DSCAML1: variants seen among roughly 807,000 people sequenced by gnomAD.
DSCAML1 encodes DS cell adhesion molecule like 1.
In DSCAML1, 38 loss-of-function variants were observed where a neutral mutation model predicts 200.5. The observed-to-expected ratio is 0.19, with a 90% CI of 0.15 to 0.25. The LOEUF (loss-of-function observed/expected upper bound fraction) is 0.25, where lower values mean the gene tolerates loss of function less well. DSCAML1 is among the 10% of genes least tolerant of loss of function. The pLI, the probability that DSCAML1 is intolerant of heterozygous loss-of-function variation, is 1.00. For synonymous variants in DSCAML1, 1,215 were observed against 1,165.0 expected, an observed-to-expected ratio of 1.04 and a Z score of -0.87; for missense variants, 2,223 against 2,858.8, an observed-to-expected ratio of 0.78 and a Z score of 5.07.
At chr11:117,751,938 G>A (rs1287432706) in intron 3 of DSCAML1, among the ~76,000 whole-genome samples, 2 of 152,298 alleles carry the variant, frequency 1.3e-5, no homozygotes, top group East Asian at 1.9e-4. Context: ...GATTCTCATA[G>A]GCGCTAATTA....
chr11:117,601,130 C>T (rs1290955270), intron 3 of DSCAML1, among the ~76,000 whole-genome samples: 3 of 152,070 alleles, frequency 2.0e-5, no homozygotes, highest in African/African-American at 7.2e-5. Context: ...CTGTTCCCAG[C>T]CCCCACCCGC....
At chr11:117,711,650 A>G (rs1394720504) in intron 3 of DSCAML1, among the ~76,000 whole-genome samples, 2 of 152,192 alleles carry the variant, frequency 1.3e-5, no homozygotes, top group East Asian at 3.8e-4. Flanking sequence ...AAATATCTGC[A>G]ATTCCAGGCT....
chr11:117,796,394 C>T (rs998573076), intron 1 of DSCAML1, among the ~76,000 whole-genome samples: 4 of 152,174 alleles, frequency 2.6e-5, no homozygotes, highest in Non-Finnish European at 5.9e-5. Flanking sequence ...AAAGCCGGGG[C>T]AGAGGGGTGG....
chr11:117,781,733 G>A (rs762578474), intron 1 of DSCAML1, among the ~76,000 whole-genome samples: 2 of 152,230 alleles, frequency 1.3e-5, no homozygotes, highest in Admixed American at 1.3e-4. Context: ...AAAATGGAGG[G>A]AGAGGATGGG....
chr11:117,480,598 A>G lies in DSCAML1; in HGVS notation c.2657-27T>C, dbSNP rs2048894796. On this transcript the variant is annotated intron_variant, in intron 13 of 32. Transcript: ENST00000651296. The surrounding 1 kb of genome is among the most constrained non-coding windows in gnomAD (Gnocchi z 4.1). The stretch of plus-strand genomic sequence containing the variant: ...TAGGGTGCGGCAGTGGAGGGGAGGG[A>G]AGTGAGGAGGGCAGCAGGGAGCTTG... The G allele has an allele frequency of 1.3e-6, 2 of 1,550,076 alleles. No individual in the cohort carries two copies. The highest frequency in any genetic ancestry group is 2.4e-5 in the South Asian group (2 of 84,056).
At chr11:117,456,469 G>A (rs559606501) in intron 19 of DSCAML1, among the ~76,000 whole-genome samples, 8 of 152,276 alleles carry the variant, frequency 5.3e-5, no homozygotes, top group Middle Eastern at 3.4e-3. Flanking sequence ...TTAGTTGAGC[G>A]GCATTTGGAA....
intron 3 of DSCAML1, among the ~76,000 whole-genome samples, chr11:117,629,096 G>A (rs981100651): frequency 6.6e-6 from 1 of 152,120 alleles, no homozygotes; most frequent in Non-Finnish European, 1.5e-5. Context: ...AAACTCGGGT[G>A]GAAGTTAGAA....
intron 3 of DSCAML1, among the ~76,000 whole-genome samples, chr11:117,742,013 C>G (rs2054430653): frequency 1.3e-5 from 2 of 152,236 alleles, no homozygotes; most frequent in African/African-American, 4.8e-5. Flanking sequence ...AGGGAGGAAA[C>G]AGAATGAGAC....
intron 3 of DSCAML1, among the ~76,000 whole-genome samples, chr11:117,615,571 C>T (rs1265969982): frequency 1.3e-5 from 2 of 152,094 alleles, no homozygotes; most frequent in East Asian, 3.9e-4. Context: ...GAGGTACAGG[C>T]AGGTCTCTCA....
At chr11:117,620,545 G>T (rs1035518517) in intron 3 of DSCAML1, among the ~76,000 whole-genome samples, 7 of 152,202 alleles carry the variant, frequency 4.6e-5, no homozygotes, top group Admixed American at 4.6e-4. Flanking sequence ...AGACAGGCTT[G>T]TCTGTTTGCC....
chr11:117,803,957 T>C (rs1042094689), intron 1 of DSCAML1, among the ~76,000 whole-genome samples: 5 of 152,226 alleles, frequency 3.3e-5, no homozygotes, highest in African/African-American at 1.2e-4. Context: ...GGTGCTGCCG[T>C]AACGCCTTCC....
At chr11:117,744,126 A>C (rs2054472449) in intron 3 of DSCAML1, among the ~76,000 whole-genome samples, 1 of 152,224 alleles carries the variant, frequency 6.6e-6, no homozygotes, top group Non-Finnish European at 1.5e-5. Flanking sequence ...TGCTCAAAGC[A>C]TTTCACATGG....
chr11:117,571,035 A>G (rs964185496), intron 3 of DSCAML1, among the ~76,000 whole-genome samples: 1 of 152,256 alleles, frequency 6.6e-6, no homozygotes, highest in Non-Finnish European at 1.5e-5. Context: ...ACCTGTGCCT[A>G]TGATGATGTT....
chr11:117,583,547 C>A (rs931272869), intron 3 of DSCAML1, among the ~76,000 whole-genome samples: 2 of 152,194 alleles, frequency 1.3e-5, no homozygotes, highest in African/African-American at 4.8e-5. Context: ...GCGGCTCTCT[C>A]TTCTCCAGTC....
At chr11:117,438,310 C>T (rs2047965891) in intron 24 of DSCAML1, among the ~76,000 whole-genome samples, 1 of 103,842 alleles carries the variant, frequency 9.6e-6, no homozygotes, top group African/African-American at 5.1e-5. Flanking sequence ...GGCCTGGGGT[C>T]CAGCCCCCGG....
intron 4 of DSCAML1, among the ~76,000 whole-genome samples, chr11:117,532,124 G>C (rs1205687181): frequency 8.3e-6 from 1 of 120,512 alleles, no homozygotes; most frequent in African/African-American, 3.5e-5. Context: ...CTTCCTGACA[G>C]GAAAGACAAA....
intron 3 of DSCAML1, among the ~76,000 whole-genome samples, chr11:117,638,263 T>C (rs1166765205): frequency 6.6e-6 from 1 of 151,302 alleles, no homozygotes; most frequent in African/African-American, 2.4e-5. Flanking sequence ...GGAAACCCCT[T>C]AGTCTTAGCA....
At chr11:117,515,076 G>A (rs552731115) in intron 8 of DSCAML1, among the ~76,000 whole-genome samples, 1 of 152,374 alleles carries the variant, frequency 6.6e-6, no homozygotes, top group Admixed American at 6.5e-5. Flanking sequence ...TGCTGCGATA[G>A]CCCAGGATGG....
At chr11:117,798,117 AGAG>A (rs550854290), upstream of DSCAML1, among the ~76,000 whole-genome samples, 445 of 152,352 alleles carry the variant, frequency 2.9e-3, 5 homozygotes, top group African/African-American at 3.6e-3. Flanking sequence ...TTCCAAAATA[AGAG>A]GATACATAGA....
Sources: gnomAD v4.1 joint callset for allele counts (sites outside exome capture counted in the v4.1 genomes callset) on GRCh38, gnomAD v4.1.1 for gene constraint, Gnocchi (gnomAD v3.1) non-coding constraint, MANE v1.5 for transcripts, NCBI Gene and HGNC (gene_info 2026-07-23, HGNC 2026-07-21) for gene names.